Variants in MEGF10 observed in about 807,000 individuals in gnomAD.
MEGF10 encodes the protein multiple epidermal growth factor-like domains protein 10.
MEGF10 carries 86 observed loss-of-function variants against 147.5 expected under a neutral mutation model. That is an observed-to-expected ratio of 0.58 (90% CI 0.49 to 0.70). MEGF10 has a LOEUF of 0.70. Ranked by LOEUF, MEGF10 falls within the 30% of genes least tolerant of loss-of-function variation. The pLI is 0.00. For synonymous variants in MEGF10, 478 were observed against 525.5 expected (o/e 0.91, Z 1.24); for missense variants, 1,329 against 1,487.3 (o/e 0.89, Z 1.75).
At chr5:127,377,496 G>A (rs1173684039) in intron 5 of MEGF10, among the ~76,000 whole-genome samples, 3 of 152,188 alleles carry the variant, frequency 2.0e-5, no homozygotes, top group African/African-American at 7.2e-5. Context: ...TAGCATTCCG[G>A]TTAAATATAC....
intron 12 of MEGF10, 116 bp from the exon 13 acceptor site, chr5:127,422,554 G>A: frequency 2.8e-6 from 2 of 716,222 alleles, no homozygotes; most frequent in Non-Finnish European, 4.9e-6. Flanking sequence ...ATCCCTGTAA[G>A]AAGCGTTTGG....
intron 4 of MEGF10, among the ~76,000 whole-genome samples, chr5:127,363,136 T>G (rs1295224332): frequency 6.6e-6 from 1 of 152,228 alleles, no homozygotes; most frequent in Non-Finnish European, 1.5e-5. Flanking sequence ...GCAGAAGTTC[T>G]GAGTTCTTGT....
At chr5:127,337,522 A>G (rs1303208395) in intron 2 of MEGF10, among the ~76,000 whole-genome samples, 1 of 152,094 alleles carries the variant, frequency 6.6e-6, no homozygotes, top group Non-Finnish European at 1.5e-5. Context: ...GAAAATACAG[A>G]TAGCTTAATG....
chr5:127,274,265 G>A, the MEGF10 span, among the ~76,000 whole-genome samples: 4 of 152,144 alleles, frequency 2.6e-5, no homozygotes, highest in Non-Finnish European at 1.5e-5. Context: ...ACAACCAAAT[G>A]TAATGATTGA....
At chr5:127,375,254 G>A (rs972109722) in intron 5 of MEGF10, among the ~76,000 whole-genome samples, 1 of 152,018 alleles carries the variant, frequency 6.6e-6, no homozygotes, top group African/African-American at 2.4e-5. Context: ...ATACATGGGT[G>A]ATTAAGGGAC....
chr5:127,299,643 A>T (rs183279378), intron 1 of MEGF10, among the ~76,000 whole-genome samples: 229 of 152,246 alleles, frequency 1.5e-3, no homozygotes, highest in Non-Finnish European at 2.1e-3. Flanking sequence ...ATGAAAAAGT[A>T]TGTCATTCAT....
intron 1 of MEGF10, among the ~76,000 whole-genome samples, chr5:127,294,835 T>TAATAATAAAAAAA (rs56033520): frequency 6.3e-5 from 9 of 143,138 alleles, no homozygotes; most frequent in East Asian, 6.1e-4. Context: ...ATAATAATAA[T>TAATAATAAAAAAA]AAATAACTTG....
chr5:127,361,121 ATTAT>A (rs1762456906), intron 4 of MEGF10, among the ~76,000 whole-genome samples: 1 of 151,830 alleles, frequency 6.6e-6, no homozygotes, highest in South Asian at 2.1e-4. Flanking sequence ...TAGAATTGGT[ATTAT>A]TTCCTCTTTT....
At chr5:127,357,597 A>C (rs576399642) in intron 4 of MEGF10, among the ~76,000 whole-genome samples, 2 of 144,342 alleles carry the variant, frequency 1.4e-5, no homozygotes, top group East Asian at 3.9e-4. Flanking sequence ...CAAAATAAAT[A>C]AATAAATAAA....
chr5:127,372,565 T>TC (rs772252067), intron 5 of MEGF10, among the ~76,000 whole-genome samples: 2 of 152,220 alleles, frequency 1.3e-5, no homozygotes, highest in Non-Finnish European at 2.9e-5. Flanking sequence ...CTGTCATGTC[T>TC]CCCCTGTCTT....
chr5:127,245,844 A>G, the MEGF10 span, among the ~76,000 whole-genome samples: 1 of 151,598 alleles, frequency 6.6e-6, no homozygotes, highest in Non-Finnish European at 1.5e-5. Flanking sequence ...GCCAACAAAC[A>G]TATGAAAAAA....
At chr5:127,455,976 A>C (rs1373743493) in intron 24 of MEGF10, among the ~76,000 whole-genome samples, 1 of 152,172 alleles carries the variant, frequency 6.6e-6, no homozygotes, top group East Asian at 1.9e-4. Flanking sequence ...CTGTGTTTTT[A>C]GCGATCATAT....
intron 4 of MEGF10, among the ~76,000 whole-genome samples, chr5:127,363,145 G>A (rs896836172): frequency 4.6e-5 from 7 of 152,112 alleles, no homozygotes; most frequent in Admixed American, 1.3e-4. Context: ...CTGAGTTCTT[G>A]TATCTCCTCC....
chr5:127,426,351 T>C (rs1309149399), intron 13 of MEGF10, among the ~76,000 whole-genome samples: 7 of 152,178 alleles, frequency 4.6e-5, no homozygotes, highest in Non-Finnish European at 2.9e-5. Flanking sequence ...GTAAACAAAA[T>C]AAAAGTTGTG....
intron 4 of MEGF10, among the ~76,000 whole-genome samples, chr5:127,351,236 C>A (rs1274601365): frequency 6.6e-6 from 1 of 151,970 alleles, no homozygotes; most frequent in East Asian, 1.9e-4. Context: ...AACTGGAAAA[C>A]AGATGAGCAA....
intron 2 of MEGF10, among the ~76,000 whole-genome samples, chr5:127,337,983 G>T (rs902576747): frequency 1.3e-5 from 2 of 152,026 alleles, no homozygotes; most frequent in African/African-American, 2.4e-5. Flanking sequence ...TGAATAGTAC[G>T]ATTACTTCAT....
rs1171203820 is a variant in MEGF10 at position 127,460,062 on chromosome 5, CA to C, written c.*2745del. ...TCTTCATACCAAGTGAATCTATTCTCATGAACTTTGAACCCATGTTAATTTT... is the reference window on the plus strand; with the variant it reads ...TCTTCATACCAAGTGAATCTATTCTCTGAACTTTGAACCCATGTTAATTTT... On this transcript the variant is annotated 3_prime_UTR_variant, in exon 25 of 25. Coordinates refer to ENST00000503335, the MANE Select transcript of MEGF10 (RefSeq NM_001256545.2). 1 of 152,158 alleles carries C rather than the reference CA, an allele frequency of 6.6e-6. No homozygotes were observed. Among genetic ancestry groups the C allele is most frequent in the African/African-American group, 2.4e-5 (1 of 41,452 alleles). 9.4% of individuals were successfully genotyped at this position (152,158 alleles called of 1,614,324 possible).
At position 127,435,444 on chromosome 5, in the gene MEGF10, T is replaced by C. The variant is rs747367806; in HGVS notation, c.2059T>C (p.Ser687Pro). 1 of 1,613,964 alleles carries C rather than the reference T, an allele frequency of 6.2e-7. No individual in the cohort carries two copies. Among genetic ancestry groups the C allele is most frequent in the Non-Finnish European group, 8.5e-7 (1 of 1,179,974 alleles). ...CGGAACCTGTAACCCCATTGACAGA[T>C]CTTGTCAGTGTTACCCCGGTTGGAT... ...NNGTCNPIDR[S>P]CQCYPGWIGS... is the part of the protein sequence containing the mutation. The change falls in exon 16 of 25, where the codon TCT (serine) becomes CCT (proline). Residue 687 changes from serine to proline, a missense_variant. Transcript: ENST00000503335.
intron 22 of MEGF10, among the ~76,000 whole-genome samples, chr5:127,452,197 C>T (rs1415182616): frequency 1.3e-5 from 2 of 152,184 alleles, no homozygotes; most frequent in Non-Finnish European, 2.9e-5. Context: ...GGCCTCATAG[C>T]CCCAGCTCTT....
Sources: allele counts gnomAD v4.1 joint callset (sites outside exome capture counted in the v4.1 genomes callset), GRCh38; gene constraint gnomAD v4.1.1; transcripts MANE v1.5; gene names NCBI Gene and HGNC (gene_info 2026-07-23, HGNC 2026-07-21).